The following CLBA1 variants were observed in gnomAD, a reference collection of about 807,000 sequenced individuals.
CLBA1 encodes clathrin binding box of aftiphilin containing 1.
Under a neutral mutation model 28.8 loss-of-function variants are expected in CLBA1, and 30 were observed. That is an observed-to-expected ratio of 1.04 (90% CI 0.78 to 1.41). CLBA1 has a LOEUF of 1.41. CLBA1 is among the 40% of genes most tolerant of loss of function. CLBA1 has a pLI of 0.00. For synonymous variants in CLBA1, 160 were observed against 152.8 expected (o/e 1.05, Z -0.35); for missense variants, 451 against 412.3 (o/e 1.09, Z -0.81).
downstream of CLBA1, among the ~76,000 whole-genome samples, chr14:104,997,905 A>C (rs1174846107): frequency 1.3e-5 from 2 of 152,150 alleles, no homozygotes; most frequent in Non-Finnish European, 2.9e-5. Flanking sequence ...GCTACTTGGG[A>C]GGCTGAGACA....
chr14:104,987,856 T>C (rs1435142081), intron 1 of CLBA1, among the ~76,000 whole-genome samples: 2 of 151,360 alleles, frequency 1.3e-5, no homozygotes, highest in Non-Finnish European at 2.9e-5. Context: ...AGGCTGGTCT[T>C]GAACTCCTGA....
intron 4 of CLBA1, chr14:104,994,030 A>G (rs1328439914): frequency 1.0e-6 from 1 of 984,720 alleles, no homozygotes; most frequent in Non-Finnish European, 1.2e-6. Context: ...TCCCTGGATG[A>G]TCAGCACACA....
At chr14:104,992,772 G>C (rs1595444813) in intron 3 of CLBA1, among the ~76,000 whole-genome samples, 176 bp from the exon 4 acceptor site, 1 of 152,236 alleles carries the variant, frequency 6.6e-6, no homozygotes, top group Non-Finnish European at 1.5e-5. Context: ...CCTGTGAGCC[G>C]GGCATGAGGC....
downstream of CLBA1, among the ~76,000 whole-genome samples, chr14:104,996,521 G>C (rs1900158956): frequency 1.3e-5 from 2 of 152,250 alleles, no homozygotes; most frequent in Admixed American, 1.3e-4. Flanking sequence ...GATATGCTGG[G>C]ATTTTTGTTC....
chr14:104,992,299 G>A (rs9652405), intron 3 of CLBA1, among the ~76,000 whole-genome samples: 40 of 152,322 alleles, frequency 2.6e-4, no homozygotes, highest in African/African-American at 8.2e-4. Flanking sequence ...TGCCGTGCAC[G>A]TGCTCAAGCT....
rs755649629 is a variant in CLBA1 at position 104,992,976 on chromosome 14, T to C, written c.728T>C (p.Met243Thr). 2 of 1,614,090 alleles carry C rather than the reference T, an allele frequency of 1.2e-6. No homozygotes were observed. The highest frequency in any genetic ancestry group is 1.7e-6 in the Non-Finnish European group (2 of 1,179,964). The change falls in exon 4 of 5, where the codon ATG becomes ACG. Residue 243 changes from methionine (M) to threonine (T), a missense_variant. Met to Thr is a moderately conservative substitution (Grantham distance 81). Coordinates refer to ENST00000547315, the MANE Select transcript of CLBA1 (RefSeq NM_174891.4). ...CTTTCTGGAGGCCAGGGCCACATCATGGAAGATTGTGACCTCAAAGAGCCT... is the reference window on the plus strand; with the variant it reads ...CTTTCTGGAGGCCAGGGCCACATCACGGAAGATTGTGACCTCAAAGAGCCT... ...KNLSGGQGHI[M>T]EDCDLKEPEG... is the part of the protein sequence containing the mutation.
Position 104,993,860 on chromosome 14 carries a change from G to A in CLBA1, c.817-738G>A, listed in dbSNP as rs181560464. The A allele has an allele frequency of 1.3e-4, 127 of 985,482 alleles. No homozygotes were observed. The East Asian group carries it at 0.012, about 94-fold the overall frequency. The allele number at this position is 985,482 out of a possible 1,614,324, so 61.0% of individuals were successfully genotyped here. On this transcript the variant is annotated intron_variant, in intron 4 of 4. Coordinates refer to ENST00000547315, the MANE Select transcript of CLBA1 (RefSeq NM_174891.4). The stretch of plus-strand genomic sequence containing the variant: ...GAAGAGTGACATGCAGGGAGGCGCA[G>A]GGGTAAAGTACTGCCCTGTGGCCTG...
intron 4 of CLBA1, chr14:104,993,507 C>G (rs1900094239): frequency 1.0e-6 from 1 of 985,476 alleles, no homozygotes; most frequent in African/African-American, 1.7e-5. Flanking sequence ...TACACAGGGT[C>G]TGCCCACAGC....
Position 104,992,998 on chromosome 14 carries a change from G to C in CLBA1, c.750G>C (p.Glu250Asp). The C allele has an allele frequency of 1.9e-6, 3 of 1,614,160 alleles. No individual in the cohort carries two copies. The highest frequency in any genetic ancestry group is 2.5e-6 in the Non-Finnish European group (3 of 1,180,026). The change falls in exon 4 of 5, where the codon GAG becomes GAC. Residue 250 changes from glutamate (E) to aspartate (D), a missense_variant. Physicochemically the swap from Glu to Asp is conservative, Grantham distance 45. Transcript: ENST00000547315. ...GHIMEDCDLK[E>D]PEGLLTVSSF... The stretch of plus-strand genomic sequence containing the variant: ...TCATGGAAGATTGTGACCTCAAAGA[G>C]CCTGAAGGACTCCTCACTGTCAGCA...
chr14:105,000,396 C>T (rs539597547), downstream of CLBA1, among the ~76,000 whole-genome samples: 10 of 151,718 alleles, frequency 6.6e-5, 1 homozygote, highest in Admixed American at 3.3e-4. Context: ...CTCAGCCTCC[C>T]GAGTAGCTGG....
chr14:104,991,324 C>T lies in CLBA1; in HGVS notation c.570-167C>T, dbSNP rs2582571. The T allele has an allele frequency of 0.021, 15,063 of 704,638 alleles. 1,770 individuals are homozygous for T. In the African/African-American group the frequency reaches 0.25, roughly 12 times the overall value. 43.6% of individuals were successfully genotyped at this position (704,638 alleles called of 1,614,324 possible). Reference sequence around the variant, plus strand: ...CAGGCGTGAGCCACTGTGCCCAGCCCGGGAACACTGTTTTTAGAGTTCTTA... The same window carrying T: ...CAGGCGTGAGCCACTGTGCCCAGCCTGGGAACACTGTTTTTAGAGTTCTTA... On this transcript the variant is annotated intron_variant, in intron 2 of 4. Transcript: ENST00000547315.
At chr14:104,989,388 G>A (rs973833387) in intron 2 of CLBA1, 9 of 410,162 alleles carry the variant, frequency 2.2e-5, no homozygotes, top group African/African-American at 8.2e-5. Flanking sequence ...TGGGGGCCTC[G>A]CATTCAGTGC....
At chr14:104,997,378 A>G (rs1900173872), downstream of CLBA1, among the ~76,000 whole-genome samples, 1 of 152,234 alleles carries the variant, frequency 6.6e-6, no homozygotes. Flanking sequence ...CCAAAGTCAG[A>G]TGGCCTAACT....
At position 104,986,860 on chromosome 14, in the gene CLBA1, TCTG is replaced by T; in HGVS notation, c.423+10_423+12del. Reference sequence around the variant, plus strand: ...CTGCCGTCCCACCTTCTGAGGTATTTCTGCTGTGCTGTGGTCACCATGTTGAGT... The same window carrying T: ...CTGCCGTCCCACCTTCTGAGGTATTTCTGTGCTGTGGTCACCATGTTGAGT... On this transcript the variant is annotated splice_region_variant and intron_variant, in intron 1 of 4. Transcript: ENST00000547315. 6.2e-7 allele frequency: 1 copy of T among 1,612,118 alleles called. No individual in the cohort carries two copies. The highest frequency in any genetic ancestry group is 8.5e-7 in the Non-Finnish European group (1 of 1,179,462).
chr14:104,988,736 C>G (rs1283450305), intron 1 of CLBA1, among the ~76,000 whole-genome samples: 1 of 152,194 alleles, frequency 6.6e-6, no homozygotes, highest in Non-Finnish European at 1.5e-5. Context: ...ATGTTTTGCC[C>G]TAACCCCACC....
Position 104,986,394 on chromosome 14 carries a change from G to T in CLBA1, c.-38G>T. Reference sequence around the variant, plus strand: ...CCCCGGCGTGCATGTCTCCTGAGCAGCTGCCCATCGGGCCTCTGCTGGCCT... The same window carrying T: ...CCCCGGCGTGCATGTCTCCTGAGCATCTGCCCATCGGGCCTCTGCTGGCCT... On this transcript the variant is annotated 5_prime_UTR_variant, in exon 1 of 5. Coordinates refer to ENST00000547315, the MANE Select transcript of CLBA1 (RefSeq NM_174891.4). The T allele has an allele frequency of 6.3e-7, 1 of 1,597,650 alleles. No individual in the cohort carries two copies. The highest frequency in any genetic ancestry group is 8.5e-7 in the Non-Finnish European group (1 of 1,174,168).
chr14:104,994,293 A>G (rs561839632), intron 4 of CLBA1: 1 of 985,422 alleles, frequency 1.0e-6, no homozygotes, highest in Non-Finnish European at 1.2e-6. Context: ...GGGTAGTGGC[A>G]GCCTCCACCA....
At chr14:104,994,371 G>A (rs1307866595) in intron 4 of CLBA1, 10 of 985,332 alleles carry the variant, frequency 1.0e-5, no homozygotes, top group African/African-American at 3.5e-5. Context: ...TGCTGTCTTC[G>A]GGGCTGGCTG....
chr14:104,994,042 G>C, intron 4 of CLBA1: 1 of 985,314 alleles, frequency 1.0e-6, no homozygotes, highest in Non-Finnish European at 1.2e-6. Flanking sequence ...CAGCACACAG[G>C]TGACAGGCGA....
Sources: allele counts gnomAD v4.1 joint callset (sites outside exome capture counted in the v4.1 genomes callset), GRCh38; gene constraint gnomAD v4.1.1; transcripts MANE v1.5; gene names NCBI Gene and HGNC (gene_info 2026-07-23, HGNC 2026-07-21).